The following ZDHHC4 variants were observed in gnomAD, a reference collection of about 807,000 sequenced individuals.
The protein encoded by ZDHHC4 is zDHHC palmitoyltransferase 4, also known as palmitoyltransferase ZDHHC4.
Under a neutral mutation model 36.7 loss-of-function variants are expected in ZDHHC4, and 42 were observed. That is an observed-to-expected ratio of 1.14 (90% CI 0.89 to 1.48). The LOEUF (loss-of-function observed/expected upper bound fraction) is 1.48, where lower values mean the gene tolerates loss of function less well. Ranked by LOEUF, ZDHHC4 falls within the 40% of genes most tolerant of loss-of-function variation. ZDHHC4 has a pLI of 0.00. For synonymous variants in ZDHHC4, 189 were observed against 166.6 expected, an observed-to-expected ratio of 1.13 and a Z score of -1.03; for missense variants, 457 against 421.5, an observed-to-expected ratio of 1.08 and a Z score of -0.74.
Position 6,585,045 on chromosome 7 carries a change from G to A in ZDHHC4, c.526G>A (p.Asp176Asn), listed in dbSNP as rs775546574. The change falls in exon 7 of 8, where the codon GAC (aspartate) becomes AAC (asparagine). Residue 176 changes from aspartate (D) to asparagine (N), a missense_variant. Transcript: ENST00000335965. ...SVCNWCVHRF[D>N]HHCVWVNNCI... ...GTGTAACTGGTGTGTGCACCGTTTC[G>A]ACCATCACTGTGTTTGGGTGAACAA... 1.2e-6 allele frequency: 2 copies of A among 1,614,060 alleles called. No homozygotes were observed. The highest frequency in any genetic ancestry group is 2.2e-5 in the East Asian group (1 of 44,878).
At position 6,582,058 on chromosome 7, in the gene ZDHHC4, C is replaced by G; in HGVS notation, c.192-15C>G. The stretch of plus-strand genomic sequence containing the variant: ...AAGAAACCCCCATGAACAAGCCATG[C>G]CTGTTTTCTTTCAGAAACCACACCT... On this transcript the variant is annotated splice_polypyrimidine_tract_variant and intron_variant, in intron 4 of 7. Coordinates refer to ENST00000335965, the MANE Select transcript of ZDHHC4 (RefSeq NM_001134389.2). 1 of 1,607,752 alleles carries G rather than the reference C, an allele frequency of 6.2e-7. No homozygotes were observed.
chr7:6,583,688 A>G (rs1338506530), intron 6 of ZDHHC4: 4 of 380,320 alleles, frequency 1.1e-5, no homozygotes, highest in South Asian at 1.1e-4. Flanking sequence ...GCTCCCCACA[A>G]GTTGTTTCTG....
intron 5 of ZDHHC4, 43 bp downstream of exon 5, chr7:6,582,294 T>C: frequency 6.3e-7 from 1 of 1,574,968 alleles, no homozygotes; most frequent in Non-Finnish European, 8.7e-7. Context: ...ACAGCTCCAC[T>C]GTCTTACTAA....
intron 7 of ZDHHC4, among the ~76,000 whole-genome samples, chr7:6,588,144 C>T (rs377371951): frequency 7.9e-5 from 12 of 152,188 alleles, no homozygotes; most frequent in African/African-American, 1.7e-4. Context: ...GGATTATAGG[C>T]GTGAGCCATT....
intron 1 of ZDHHC4, among the ~76,000 whole-genome samples, chr7:6,578,287 C>T (rs1780583737): frequency 6.6e-6 from 1 of 151,866 alleles, no homozygotes; most frequent in African/African-American, 2.4e-5. Context: ...GCCACCACGC[C>T]CCACTGATTT....
At chr7:6,579,508 C>A (rs114252262) in intron 2 of ZDHHC4, among the ~76,000 whole-genome samples, 44 of 152,192 alleles carry the variant, frequency 2.9e-4, no homozygotes, top group African/African-American at 1.0e-3. Context: ...CCTCAGTATC[C>A]AGTATTTTAA....
intron 1 of ZDHHC4, among the ~76,000 whole-genome samples, chr7:6,578,308 A>C (rs917026697): frequency 6.6e-6 from 1 of 151,318 alleles, no homozygotes; most frequent in Non-Finnish European, 1.5e-5. Context: ...TTAAATTTTT[A>C]TGTAGGGACA....
chr7:6,581,778 C>T, intron 4 of ZDHHC4, 98 bp downstream of exon 4: 1 of 1,033,828 alleles, frequency 9.7e-7, no homozygotes. Context: ...TGGTTTCCAG[C>T]ATGGTGAGGG....
chr7:6,584,841 G>T (rs776097848), intron 6 of ZDHHC4, 175 bp from the exon 7 acceptor site: 1 of 854,006 alleles, frequency 1.2e-6, no homozygotes. Context: ...CCCACATTTG[G>T]CTGGTTGCTC....
intron 5 of ZDHHC4, among the ~76,000 whole-genome samples, chr7:6,582,978 C>G (rs1461370389): frequency 6.6e-6 from 1 of 151,992 alleles, no homozygotes; most frequent in Non-Finnish European, 1.5e-5. Context: ...CCAGACCAGC[C>G]TGGCCAAAAT....
Position 6,582,260 on chromosome 7 carries a change from A to C in ZDHHC4, c.370+9A>C. 6.2e-7 allele frequency: 1 copy of C among 1,613,508 alleles called. No homozygotes were observed. Among genetic ancestry groups the C allele is most frequent in the Non-Finnish European group, 8.5e-7 (1 of 1,179,622 alleles). ...TTGTGGAACCAATCCTGGTAAGTTG[A>C]GGCTCTTAGCATACAGCATGGTGAC... is the stretch of plus-strand genomic sequence containing the variant. On this transcript the variant is annotated intron_variant, in intron 5 of 7. Coordinates refer to ENST00000335965, the MANE Select transcript of ZDHHC4 (RefSeq NM_001134389.2).
chr7:6,585,823 C>T (rs1344098582), intron 7 of ZDHHC4, among the ~76,000 whole-genome samples: 3 of 151,732 alleles, frequency 2.0e-5, no homozygotes, highest in Middle Eastern at 6.9e-3. Context: ...AACAAACAAA[C>T]GTGAAGTTTT....
chr7:6,581,091 A>G, intron 3 of ZDHHC4: 2 of 252,502 alleles, frequency 7.9e-6, no homozygotes, highest in South Asian at 1.0e-4. Flanking sequence ...GATGCCTGTG[A>G]TTGGGCATGG....
chr7:6,581,689 C>G lies in ZDHHC4; in HGVS notation c.191+9C>G. On this transcript the variant is annotated intron_variant, in intron 4 of 7. Coordinates refer to ENST00000335965, the MANE Select transcript of ZDHHC4 (RefSeq NM_001134389.2). ...TACCTTTTCCATACGAGGTATTTCTCTTTCAGAGTTTAAATATTCTCCTCT... is the reference window on the plus strand; with the variant it reads ...TACCTTTTCCATACGAGGTATTTCTGTTTCAGAGTTTAAATATTCTCCTCT... 2 of 1,589,484 alleles carry G rather than the reference C, an allele frequency of 1.3e-6. No individual in the cohort carries two copies. Among genetic ancestry groups the G allele is most frequent in the East Asian group, 2.2e-5 (1 of 44,744 alleles).
At chr7:6,587,858 G>GATTT (rs1357681317) in intron 7 of ZDHHC4, among the ~76,000 whole-genome samples, 54 of 152,158 alleles carry the variant, frequency 3.5e-4, no homozygotes, top group African/African-American at 7.9e-4. Context: ...TGTTTCTATT[G>GATTT]ATTTATTTAT....
Position 6,578,693 on chromosome 7 carries a change from G to A in ZDHHC4, c.-35G>A, listed in dbSNP as rs1440768753. ...TGGGAAGAGGAATGCCAGAGCTGCC[G>A]GCTGAAAATTACCCAACCAAGAGAA... On this transcript the variant is annotated 5_prime_UTR_variant, in exon 2 of 8. Transcript: ENST00000335965. 2 of 152,104 alleles carry A rather than the reference G, an allele frequency of 1.3e-5. No homozygotes were observed. Among genetic ancestry groups the A allele is most frequent in the Non-Finnish European group, 2.9e-5 (2 of 68,038 alleles). 9.4% of individuals were successfully genotyped at this position (152,104 alleles called of 1,614,324 possible). A position where few individuals can be genotyped will look rare whatever the true frequency, so the allele number is the denominator to read the frequency against.
intron 1 of ZDHHC4, among the ~76,000 whole-genome samples, chr7:6,578,158 A>G (rs1562537750): frequency 6.6e-6 from 1 of 151,794 alleles, no homozygotes; most frequent in Non-Finnish European, 1.5e-5. Flanking sequence ...GATGGGGTCC[A>G]GCTCTATGGC....
intron 5 of ZDHHC4, among the ~76,000 whole-genome samples, chr7:6,582,542 G>C (rs891305680): frequency 1.3e-5 from 2 of 152,084 alleles, no homozygotes; most frequent in South Asian, 4.1e-4. Context: ...TCTTAAGACG[G>C]AGTCACGCTT....
At chr7:6,582,039 C>A in intron 4 of ZDHHC4, 34 bp from the exon 5 acceptor site, 1 of 1,584,738 alleles carries the variant, frequency 6.3e-7, no homozygotes, top group Non-Finnish European at 8.6e-7. Flanking sequence ...CAAGAAGAAA[C>A]CCCCATGAAC....
Sources: gnomAD v4.1 joint callset for allele counts (sites outside exome capture counted in the v4.1 genomes callset) on GRCh38, gnomAD v4.1.1 for gene constraint, MANE v1.5 for transcripts, NCBI Gene and HGNC (gene_info 2026-07-23, HGNC 2026-07-21) for gene names.